Variants in SLC22A7 observed in about 807,000 individuals in gnomAD.
SLC22A7 encodes solute carrier family 22 member 7.
A neutral mutation model predicts 62.2 loss-of-function variants in SLC22A7; 48 were observed. The ratio of observed to expected loss-of-function variants is 0.77; its 90% CI spans 0.61 to 0.98. SLC22A7 has a LOEUF of 0.98. SLC22A7 is among the 50% of genes least tolerant of loss of function. The pLI is 0.00. For synonymous variants in SLC22A7, 276 were observed against 314.8 expected (o/e 0.88, Z 1.30); for missense variants, 581 against 703.8 (o/e 0.83, Z 1.97).
upstream of SLC22A7, among the ~76,000 whole-genome samples, chr6:43,297,129 C>T (rs749434173): frequency 2.8e-4 from 42 of 152,242 alleles, no homozygotes; most frequent in Middle Eastern, 6.8e-3. Context: ...CATTAACACA[C>T]GCCATGCCAT....
chr6:43,302,270 A>T lies in SLC22A7; in HGVS notation c.1132A>T (p.Thr378Ser). ...VSGLGLNVYQ[T>S]QLLFGAVELP... ...GGGGCTGGGGCTGAACGTGTACCAGACACAGCTGTTGTTCGGGGCTGTGGA... is the reference window on the plus strand; with the variant it reads ...GGGGCTGGGGCTGAACGTGTACCAGTCACAGCTGTTGTTCGGGGCTGTGGA... The change falls in exon 8 of 11, where the codon ACA becomes TCA. Residue 378 changes from threonine to serine, a missense_variant. Coordinates refer to ENST00000372585, the MANE Select transcript of SLC22A7 (RefSeq NM_153320.2). The surrounding 1 kb of genome is among the most constrained non-coding windows in gnomAD (Gnocchi z 5.0). 6.2e-7 allele frequency: 1 copy of T among 1,613,060 alleles called. No homozygotes were observed. Among genetic ancestry groups the T allele is most frequent in the Non-Finnish European group, 8.5e-7 (1 of 1,179,414 alleles).
chr6:43,300,298 A>T, intron 5 of SLC22A7: 1 of 578,462 alleles, frequency 1.7e-6, no homozygotes, highest in Non-Finnish European at 3.0e-6. Context: ...GTCAGAGATA[A>T]AGACAGAGCC....
chr6:43,299,047 T>G lies in SLC22A7; in HGVS notation c.394-45T>G. On this transcript the variant is annotated intron_variant, in intron 1 of 10. Transcript: ENST00000372585. The surrounding 1 kb of genome is among the most constrained non-coding windows in gnomAD (Gnocchi z 4.4). ...AGAAGGCAATTTCTGCAGCAAGAGG[T>G]GGAGAAACAATAGAGGCCTTCTTTT... 2 of 1,528,632 alleles carry G rather than the reference T, an allele frequency of 1.3e-6. No homozygotes were observed. The highest frequency in any genetic ancestry group is 1.8e-6 in the Non-Finnish European group (2 of 1,130,162). 94.7% of individuals were successfully genotyped at this position (1,528,632 alleles called of 1,614,324 possible).
Position 43,302,063 on chromosome 6 carries a change from GA to G in SLC22A7, c.1062-135del. The stretch of plus-strand genomic sequence containing the variant: ...CACAGAGGGCATTATGGATGTCAGG[GA>G]AGGTCCTGGCGGGGGGACCGGGGGT... On this transcript the variant is annotated intron_variant, in intron 7 of 10. Coordinates refer to ENST00000372585, the MANE Select transcript of SLC22A7 (RefSeq NM_153320.2). This position sits in a 1 kb window ranked among gnomAD's most constrained non-coding sequence, Gnocchi z 5.0. The G allele has an allele frequency of 1.4e-6, 1 of 736,076 alleles. No individual in the cohort carries two copies. The highest frequency in any genetic ancestry group is 2.2e-6 in the Non-Finnish European group (1 of 445,056). 45.6% of individuals were successfully genotyped at this position (736,076 alleles called of 1,614,324 possible). A position where few individuals can be genotyped will look rare whatever the true frequency, so the allele number is the denominator to read the frequency against.
rs762672663 is a variant in SLC22A7, at chr6:43,304,671, T to G, written c.1593T>G (p.Ser531Arg). The change falls in exon 11 of 11, where the codon AGT (serine) becomes AGG (arginine). Residue 531 changes from serine (S) to arginine (R), a missense_variant and splice_region_variant. Ser to Arg is a moderately radical substitution (Grantham distance 110). Transcript: ENST00000372585. The stretch of plus-strand genomic sequence containing the variant: ...TTGCTCACAACTCCTTCCTCCCTAG[T>G]GCCCCAACCAGTCTTCAGGAGGAAG... ...PETIQDVERKSAPTSLQEEEM... is the reference protein window; with the variant it reads ...PETIQDVERKRAPTSLQEEEM... 6 of 1,603,462 alleles carry G rather than the reference T, an allele frequency of 3.7e-6. No homozygotes were observed. In the East Asian group the frequency reaches 1.4e-4, roughly 36 times the overall value.
At chr6:43,295,798 A>G (rs1778557240), upstream of SLC22A7, 1 of 152,258 alleles carries the variant, frequency 6.6e-6, no homozygotes. Flanking sequence ...TCATTCTTCA[A>G]TGACATCAGA....
Position 43,301,816 on chromosome 6 carries a change from T to C in SLC22A7, c.1061+124T>C, listed in dbSNP as rs546443048. 1.6e-5 allele frequency: 11 copies of C among 681,968 alleles called. No homozygotes were observed. The African/African-American group carries it at 2.0e-4, about 12-fold the overall frequency. 42.2% of individuals were successfully genotyped at this position (681,968 alleles called of 1,614,324 possible). A position where few individuals can be genotyped will look rare whatever the true frequency, so the allele number is the denominator to read the frequency against. On this transcript the variant is annotated intron_variant, in intron 7 of 10. Transcript: ENST00000372585. ...AGTGTCACTGTGGAGGGCAGGAGGA[T>C]AAACCTCCATGGGCGATCTGCCTGG...
In SLC22A7 at chr6:43,299,078, T is replaced by C. The variant is rs1403793992; in HGVS notation, c.394-14T>C. ...AACAATAGAGGCCTTCTTTTCTCCC[T>C]TCCTCTTTTCCAGTCCCAGGTCGGT... On this transcript the variant is annotated splice_polypyrimidine_tract_variant and intron_variant, in intron 1 of 10. Transcript: ENST00000372585. This position sits in a 1 kb window ranked among gnomAD's most constrained non-coding sequence, Gnocchi z 4.4. The C allele has an allele frequency of 6.3e-7, 1 of 1,588,258 alleles. No homozygotes were observed. Among genetic ancestry groups the C allele is most frequent in the African/African-American group, 1.4e-5 (1 of 73,974 alleles).
intron 1 of SLC22A7, 103 bp from the exon 2 acceptor site, chr6:43,298,989 A>G (rs1778636570): frequency 2.7e-5 from 34 of 1,255,538 alleles, no homozygotes; most frequent in Non-Finnish European, 3.7e-5. Flanking sequence ...GGGAAGGGCT[A>G]AAGTGGCTTC....
Position 43,298,648 on chromosome 6 carries a change from A to C in SLC22A7, c.290A>C (p.Glu97Ala). 6.3e-7 allele frequency: 1 copy of C among 1,584,302 alleles called. No homozygotes were observed. The highest frequency in any genetic ancestry group is 8.6e-7 in the Non-Finnish European group (1 of 1,163,050). The change falls in exon 1 of 11, where the codon GAA becomes GCA. Residue 97 changes from glutamate (E) to alanine (A), a missense_variant. Coordinates refer to ENST00000372585, the MANE Select transcript of SLC22A7 (RefSeq NM_153320.2). ...QALPNTTLGE[E>A]RQSRGELEDE... ...CTCCCCAACACCACGTTGGGGGAAGAAAGGCAGAGCCGTGGGGAGCTGGAG... is the reference window on the plus strand; with the variant it reads ...CTCCCCAACACCACGTTGGGGGAAGCAAGGCAGAGCCGTGGGGAGCTGGAG...
Position 43,302,179 on chromosome 6 carries a change from T to A in SLC22A7, c.1062-21T>A, listed in dbSNP as rs201193054. On this transcript the variant is annotated intron_variant, in intron 7 of 10. Coordinates refer to ENST00000372585, the MANE Select transcript of SLC22A7 (RefSeq NM_153320.2). The surrounding 1 kb of genome is among the most constrained non-coding windows in gnomAD (Gnocchi z 5.0). ...GGGATGGGAAGGAGGGTCCGCCAAG[T>A]GGCACTGAGACTCCTTTCAGGTTCG... 9.1e-6 allele frequency: 14 copies of A among 1,543,976 alleles called. No homozygotes were observed. Among genetic ancestry groups the A allele is most frequent in the African/African-American group, 1.4e-5 (1 of 73,380 alleles).
Position 43,298,505 on chromosome 6 carries a change from T to G in SLC22A7, c.147T>G (p.Cys49Trp). ...TGGCTGCCGTGCCTGCCCACCGATG[T>G]GCCCTGCCGGGTGCCCCTGCCAACT... The part of the protein sequence containing the change: ...IFLAAVPAHR[C>W]ALPGAPANFS... The change falls in exon 1 of 11, where the codon TGT becomes TGG. Residue 49 changes from cysteine to tryptophan, a missense_variant. Cys to Trp is a radical substitution (Grantham distance 215). Transcript: ENST00000372585. 6.2e-7 allele frequency: 1 copy of G among 1,613,634 alleles called. No individual in the cohort carries two copies. The highest frequency in any genetic ancestry group is 1.7e-5 in the Admixed American group (1 of 60,028).
chr6:43,299,372 T>C lies in SLC22A7; in HGVS notation c.400-18T>C. The C allele has an allele frequency of 6.2e-7, 1 of 1,613,728 alleles. No homozygotes were observed. Among genetic ancestry groups the C allele is most frequent in the East Asian group, 2.2e-5 (1 of 44,898 alleles). ...GGGCTGATGTTCATAGGAGGTCCCTTTCTGCCTGTCCTTGCAGTGGGATCT... is the reference window on the plus strand; with the variant it reads ...GGGCTGATGTTCATAGGAGGTCCCTCTCTGCCTGTCCTTGCAGTGGGATCT... On this transcript the variant is annotated intron_variant, in intron 2 of 10. Coordinates refer to ENST00000372585, the MANE Select transcript of SLC22A7 (RefSeq NM_153320.2). This position sits in a 1 kb window ranked among gnomAD's most constrained non-coding sequence, Gnocchi z 4.4.
Position 43,302,891 on chromosome 6 carries a change from G to A in SLC22A7, c.1385+128G>A, listed in dbSNP as rs902998533. 1 of 709,234 alleles carries A rather than the reference G, an allele frequency of 1.4e-6. No individual in the cohort carries two copies. Among genetic ancestry groups the A allele is most frequent in the Non-Finnish European group, 2.3e-6 (1 of 430,430 alleles). 43.9% of individuals were successfully genotyped at this position (709,234 alleles called of 1,614,324 possible). On this transcript the variant is annotated intron_variant, in intron 9 of 10. Coordinates refer to ENST00000372585, the MANE Select transcript of SLC22A7 (RefSeq NM_153320.2). This position sits in a 1 kb window ranked among gnomAD's most constrained non-coding sequence, Gnocchi z 5.0. ...TTTTTTTTAATTTTAATTTTTGGTA[G>A]AGACGGGGTCTTGCTATATTACCCA... is the stretch of plus-strand genomic sequence containing the variant.
rs369479920 is a variant in SLC22A7, at chr6:43,302,172, C to T, written c.1062-28C>T. 366 of 1,533,958 alleles carry T rather than the reference C, an allele frequency of 2.4e-4. 1 individual carries two copies. The highest frequency in any genetic ancestry group is 1.2e-3 in the Middle Eastern group (7 of 5,658). ...CCAAAGAGGGATGGGAAGGAGGGTC[C>T]GCCAAGTGGCACTGAGACTCCTTTC... On this transcript the variant is annotated intron_variant, in intron 7 of 10. Coordinates refer to ENST00000372585, the MANE Select transcript of SLC22A7 (RefSeq NM_153320.2). The surrounding 1 kb of genome is among the most constrained non-coding windows in gnomAD (Gnocchi z 5.0).
At position 43,299,398 on chromosome 6, in the gene SLC22A7, G is replaced by GGT; in HGVS notation, c.414_415dup (p.Glu139ValfsTer6). ...TCTGCCTGTCCTTGCAGTGGGATCT[G>GGT]GTGTGTGAGCAGAAAGGTCTGAACA... On this transcript the variant is annotated frameshift_variant, in exon 3 of 11. Transcript: ENST00000372585. LOFTEE classifies it high-confidence loss of function. This position sits in a 1 kb window ranked among gnomAD's most constrained non-coding sequence, Gnocchi z 4.4. The GGT allele has an allele frequency of 1.2e-6, 2 of 1,614,172 alleles. No homozygotes were observed. The highest frequency in any genetic ancestry group is 1.7e-6 in the Non-Finnish European group (2 of 1,180,026).
chr6:43,303,990 G>T, intron 9 of SLC22A7, 48 bp from the exon 10 acceptor site: 1 of 1,437,652 alleles, frequency 7.0e-7, no homozygotes. Flanking sequence ...CATGACTCCA[G>T]GTAGGTGTGA....
In SLC22A7 at chr6:43,301,688, G is replaced by T; in HGVS notation, c.1057G>T (p.Val353Leu). The T allele has an allele frequency of 1.9e-6, 3 of 1,608,800 alleles. No individual in the cohort carries two copies. The highest frequency in any genetic ancestry group is 2.6e-6 in the Non-Finnish European group (3 of 1,176,282). The change falls in exon 7 of 11, where the codon GTG becomes TTG. Residue 353 changes from valine to leucine, a missense_variant. By Grantham distance (32) the Val-to-Leu change is conservative. Transcript: ENST00000372585. ...LRHISLCCVV[V>L]WFGVNFSYYG... ...ACACATCTCACTGTGCTGCGTGGTG[G>T]TGTGGTGAGGAGGCTGGCTTGGGTC... is the stretch of plus-strand genomic sequence containing the variant.
At position 43,299,030 on chromosome 6, in the gene SLC22A7, A is replaced by C; in HGVS notation, c.394-62A>C. 2 of 1,490,318 alleles carry C rather than the reference A, an allele frequency of 1.3e-6. No individual in the cohort carries two copies. Among genetic ancestry groups the C allele is most frequent in the Non-Finnish European group, 1.8e-6 (2 of 1,101,792 alleles). 92.3% of individuals were successfully genotyped at this position (1,490,318 alleles called of 1,614,324 possible). ...GTTGAGACAAAGAGCTGAGAAGGCA[A>C]TTTCTGCAGCAAGAGGTGGAGAAAC... On this transcript the variant is annotated intron_variant, in intron 1 of 10. Coordinates refer to ENST00000372585, the MANE Select transcript of SLC22A7 (RefSeq NM_153320.2). The surrounding 1 kb of genome is among the most constrained non-coding windows in gnomAD (Gnocchi z 4.4).
Sources: gnomAD v4.1 joint callset for allele counts (sites outside exome capture counted in the v4.1 genomes callset) on GRCh38, gnomAD v4.1.1 for gene constraint, Gnocchi (gnomAD v3.1) non-coding constraint, MANE v1.5 for transcripts, NCBI Gene and HGNC (gene_info 2026-07-23, HGNC 2026-07-21) for gene names.